The following LIG1 variants were observed in gnomAD, a reference collection of about 807,000 sequenced individuals.
LIG1 encodes the protein DNA ligase 1.
LIG1 carries 70 observed loss-of-function variants against 115.7 expected under a neutral mutation model. The observed-to-expected ratio is 0.60, with a 90% CI of 0.50 to 0.74. The LOEUF (loss-of-function observed/expected upper bound fraction) is 0.74, where lower values mean the gene tolerates loss of function less well. Among genes scored for constraint, LIG1 ranks in the 30% least tolerant of loss-of-function variants. LIG1 has a pLI of 0.00. For missense variants in LIG1, 1,115 were observed against 1,225.6 expected, an observed-to-expected ratio of 0.91 and a Z score of 1.35; for synonymous variants, 487 against 495.3, an observed-to-expected ratio of 0.98 and a Z score of 0.22.
intron 17 of LIG1, among the ~76,000 whole-genome samples, chr19:48,133,728 T>C (rs979741451): frequency 1.3e-5 from 2 of 152,160 alleles, no homozygotes; most frequent in African/African-American, 4.8e-5. Context: ...CCCGAGTAGC[T>C]GGGATCACAG....
rs3730910 is a variant in LIG1, at chr19:48,149,928, T to C, written c.698-87A>G. On this transcript the variant is annotated intron_variant, in intron 8 of 27. Transcript: ENST00000263274. Reference sequence around the variant, plus strand: ...CATTCTGCACCCAGCACCACCCCAGTGCTCAGGGAGATGGGAGACAGGCTG... The same window carrying C: ...CATTCTGCACCCAGCACCACCCCAGCGCTCAGGGAGATGGGAGACAGGCTG... 1,115 of 1,542,326 alleles carry C rather than the reference T, an allele frequency of 7.2e-4. 15 individuals carry two copies. The East Asian group carries it at 0.018, about 25-fold the overall frequency.
In LIG1 at chr19:48,131,191, G is replaced by A. The variant is rs376753509; in HGVS notation, c.1726-20C>T. ...GTGGATCTGTCACGATGGGAGAAGGGAGGGGAAATCAGCTGAGTCCCCTCA... is the reference window on the plus strand; with the variant it reads ...GTGGATCTGTCACGATGGGAGAAGGAAGGGGAAATCAGCTGAGTCCCCTCA... On this transcript the variant is annotated intron_variant, in intron 18 of 27. Coordinates refer to ENST00000263274, the MANE Select transcript of LIG1 (RefSeq NM_000234.3). 6 of 1,599,618 alleles carry A rather than the reference G, an allele frequency of 3.8e-6. No homozygotes were observed. Among genetic ancestry groups the A allele is most frequent in the Non-Finnish European group, 5.1e-6 (6 of 1,167,132 alleles).
intron 24 of LIG1, chr19:48,120,931 G>A (rs2033221532): frequency 2.2e-6 from 3 of 1,356,900 alleles, no homozygotes; most frequent in Non-Finnish European, 2.8e-6. Flanking sequence ...ACCACTATTT[G>A]TAGCTAATCT....
At chr19:48,139,369 G>A (rs539931022) in intron 12 of LIG1, among the ~76,000 whole-genome samples, 58 of 152,286 alleles carry the variant, frequency 3.8e-4, no homozygotes, top group African/African-American at 1.3e-3. Context: ...GACATCCACT[G>A]TCTGCCAGAT....
intron 24 of LIG1, chr19:48,120,128 T>C (rs2033163866): frequency 2.2e-5 from 21 of 963,766 alleles, no homozygotes; most frequent in Non-Finnish European, 2.5e-5. Flanking sequence ...CTTCTGTCAC[T>C]GATCGTTTAG....
chr19:48,116,525 C>T (rs1473769847), intron 26 of LIG1, among the ~76,000 whole-genome samples: 2 of 151,684 alleles, frequency 1.3e-5, no homozygotes. Context: ...GGCTGAACTA[C>T]GGCGCCAGGG....
chr19:48,156,985 TGAAGGGGCA>T lies in LIG1; in HGVS notation c.370+20_370+28del, dbSNP rs2122959830. 5.0e-6 allele frequency: 7 copies of T among 1,391,342 alleles called. No homozygotes were observed. The highest frequency in any genetic ancestry group is 1.3e-5 in the South Asian group (1 of 77,540). 86.2% of individuals were successfully genotyped at this position (1,391,342 alleles called of 1,614,324 possible). A position where few individuals can be genotyped will look rare whatever the true frequency, so the allele number is the denominator to read the frequency against. On this transcript the variant is annotated intron_variant, in intron 5 of 27. Transcript: ENST00000263274. ...AAAGAGAAAAAGAAAGGCAGGCGAC[TGAAGGGGCA>T]GGGGCCCGTGTGTTCTCACCTGTGC...
intron 27 of LIG1, 60 bp from the exon 28 acceptor site, chr19:48,115,792 A>G (rs2032758048): frequency 4.4e-6 from 7 of 1,580,692 alleles, no homozygotes; most frequent in Non-Finnish European, 6.1e-6. Flanking sequence ...CACCTCCACA[A>G]GGTTCCAGAG....
chr19:48,167,141 A>T (rs921278965), intron 1 of LIG1, among the ~76,000 whole-genome samples: 2 of 150,934 alleles, frequency 1.3e-5, no homozygotes, highest in Admixed American at 6.6e-5. Context: ...CTTTCCTTCC[A>T]TTATAAATAT....
chr19:48,135,150 T>C (rs555859055), intron 16 of LIG1, among the ~76,000 whole-genome samples: 13 of 152,312 alleles, frequency 8.5e-5, no homozygotes, highest in Non-Finnish European at 1.5e-4. Flanking sequence ...TGTCAGCGTC[T>C]TTCTTTTTTT....
In LIG1 at chr19:48,153,930, G is replaced by A. The variant is rs1261363140; in HGVS notation, c.408C>T (p.Val136=). ...KQLPKRTIQE[V]LEEQSEDEDR... is the part of the protein sequence containing the mutation. ...CCTCGTCCTCACTCTGCTCTTCCAGGACTTCCTGAATGGTCCGTTTCGGGA... is the reference window on the plus strand; with the variant it reads ...CCTCGTCCTCACTCTGCTCTTCCAGAACTTCCTGAATGGTCCGTTTCGGGA... Residue 136 remains valine (V), a synonymous_variant, in exon 6 of 28, where the codon GTC becomes GTT. Coordinates refer to ENST00000263274, the MANE Select transcript of LIG1 (RefSeq NM_000234.3). The A allele has an allele frequency of 9.3e-6, 15 of 1,613,290 alleles. No homozygotes were observed. Among genetic ancestry groups the A allele is most frequent in the Admixed American group, 1.7e-5 (1 of 59,900 alleles).
In LIG1 at chr19:48,120,526, A is replaced by G. The variant is rs2033188870; in HGVS notation, c.2385+644T>C. The stretch of plus-strand genomic sequence containing the variant: ...GAGGGGAATATAGGAAATACGTAAG[A>G]AAATCTAGTCCAAAATGTGCACAGC... On this transcript the variant is annotated intron_variant, in intron 24 of 27. Coordinates refer to ENST00000263274, the MANE Select transcript of LIG1 (RefSeq NM_000234.3). The G allele has an allele frequency of 3.0e-6, 3 of 985,374 alleles. No homozygotes were observed. The East Asian group carries it at 3.4e-4, about 112-fold the overall frequency. 61.0% of individuals were successfully genotyped at this position (985,374 alleles called of 1,614,324 possible).
chr19:48,163,726 G>A (rs34909809), intron 2 of LIG1, among the ~76,000 whole-genome samples: 25,392 of 151,864 alleles, frequency 0.17, 2,503 homozygotes, highest in African/African-American at 0.28. Context: ...GGCGGATCAC[G>A]AGGTCAGGAG....
Position 48,137,068 on chromosome 19 carries a change from A to G in LIG1, c.1271T>C (p.Ile424Thr), listed in dbSNP as rs143797790. 419 of 1,612,888 alleles carry G rather than the reference A, an allele frequency of 2.6e-4. 2 individuals are homozygous for G. In the African/African-American group the frequency reaches 4.4e-3, roughly 17 times the overall value. The change falls in exon 14 of 28, where the codon ATA becomes ACA. Residue 424 changes from isoleucine to threonine, a missense_variant. Coordinates refer to ENST00000263274, the MANE Select transcript of LIG1 (RefSeq NM_000234.3). This position sits in a 1 kb window ranked among gnomAD's most constrained non-coding sequence, Gnocchi z 4.3. ...CACAAAGAGGCCTTTGATGATGTCTATCTTCTTGGCTGTGGACTGGAGAGT... is the reference window on the plus strand; with the variant it reads ...CACAAAGAGGCCTTTGATGATGTCTGTCTTCTTGGCTGTGGACTGGAGAGT... ...LTGSASTAKK[I>T]DIIKGLFVAC...
rs913257638 is a variant in LIG1, at chr19:48,143,960, G to C, written c.780C>G (p.Pro260=). ...APGKEGAAEG[P]LDPSGYNPAK... The stretch of plus-strand genomic sequence containing the variant: ...CAGGATTGTAACCAGATGGATCCAG[G>C]GGTCTACGGAGGCAAAACGGAGATT... Residue 260 remains proline (P), a synonymous_variant, in exon 10 of 28, where the codon CCC becomes CCG. Transcript: ENST00000263274. 1.2e-6 allele frequency: 2 copies of C among 1,613,674 alleles called. No homozygotes were observed. The highest frequency in any genetic ancestry group is 1.6e-4 in the Middle Eastern group (1 of 6,062).
At chr19:48,139,273 A>G (rs1599795034) in intron 12 of LIG1, among the ~76,000 whole-genome samples, 1 of 152,100 alleles carries the variant, frequency 6.6e-6, no homozygotes, top group Non-Finnish European at 1.5e-5. Context: ...CCTGCCCCTC[A>G]CCAGGGTCCC....
chr19:48,164,421 T>C (rs2036362815), intron 2 of LIG1, among the ~76,000 whole-genome samples: 1 of 152,224 alleles, frequency 6.6e-6, no homozygotes, highest in African/African-American at 2.4e-5. Flanking sequence ...CGTTTTCCTC[T>C]TGGGATGCTT....
intron 2 of LIG1, among the ~76,000 whole-genome samples, chr19:48,165,239 A>G (rs1398261573): frequency 6.6e-6 from 1 of 152,042 alleles, no homozygotes; most frequent in Non-Finnish European, 1.5e-5. Flanking sequence ...AGCCTGGGTG[A>G]CAGAGCAAGA....
chr19:48,117,783 TG>T lies in LIG1; in HGVS notation c.2440-3del. The T allele has an allele frequency of 6.2e-7, 1 of 1,611,744 alleles. No individual in the cohort carries two copies. Among genetic ancestry groups the T allele is most frequent in the South Asian group, 1.1e-5 (1 of 90,292 alleles). On this transcript the variant is annotated splice_region_variant and splice_polypyrimidine_tract_variant and intron_variant, in intron 25 of 27. Coordinates refer to ENST00000263274, the MANE Select transcript of LIG1 (RefSeq NM_000234.3). ...GCGTGGGCTGGGCAGCACCAGCGCC[TG>T]CAGTGAGCAGAGGAAGAGAGGAACA...
Sources: allele counts gnomAD v4.1 joint callset (sites outside exome capture counted in the v4.1 genomes callset), GRCh38; gene constraint gnomAD v4.1.1; non-coding constraint Gnocchi (gnomAD v3.1); transcripts MANE v1.5; gene names NCBI Gene and HGNC (gene_info 2026-07-23, HGNC 2026-07-21).